The following TJP1 variants were observed in gnomAD, a reference collection of about 807,000 sequenced individuals.
TJP1 encodes tight junction protein 1.
A neutral mutation model predicts 194.2 loss-of-function variants in TJP1; 43 were observed. The ratio of observed to expected loss-of-function variants is 0.22; its 90% confidence interval spans 0.17 to 0.29. TJP1 has a LOEUF of 0.29. Ranked by LOEUF, TJP1 falls within the 10% of genes least tolerant of loss-of-function variation. The pLI is 1.00. For missense variants in TJP1, 1,971 were observed against 2,185.7 expected (o/e 0.90, Z 1.96); for synonymous variants, 801 against 779.0 (o/e 1.03, Z -0.47).
chr15:29,780,128 G>A (rs546755631), intron 2 of TJP1, among the ~76,000 whole-genome samples: 4 of 152,166 alleles, frequency 2.6e-5, no homozygotes, highest in East Asian at 3.9e-4. Context: ...TCCACAGACC[G>A]GCAGGTGGAG....
intron 2 of TJP1, among the ~76,000 whole-genome samples, chr15:29,789,223 G>T (rs1243384732): frequency 1.3e-5 from 2 of 152,168 alleles, no homozygotes; most frequent in Non-Finnish European, 2.9e-5. Flanking sequence ...CCTCCCAAGA[G>T]TGACTTTATT....
intron 23 of TJP1, among the ~76,000 whole-genome samples, chr15:29,715,291 A>T (rs1045850369): frequency 3.3e-5 from 5 of 152,112 alleles, no homozygotes; most frequent in African/African-American, 1.2e-4. Flanking sequence ...CAACACTAGT[A>T]CAAGACACGT....
chr15:29,928,461 C>T (rs547218595), intron 2 of TJP1, among the ~76,000 whole-genome samples: 11 of 152,226 alleles, frequency 7.2e-5, no homozygotes, highest in South Asian at 4.1e-4. Context: ...TAGAACTGTT[C>T]GGCAATATCT....
At chr15:29,771,735 G>A (rs993910405) in intron 4 of TJP1, among the ~76,000 whole-genome samples, 4 of 151,906 alleles carry the variant, frequency 2.6e-5, no homozygotes, top group African/African-American at 7.2e-5. Context: ...AACCTAGGAG[G>A]CGGAGTTTGC....
At chr15:29,918,009 C>G (rs2054240018) in intron 2 of TJP1, among the ~76,000 whole-genome samples, 1 of 152,160 alleles carries the variant, frequency 6.6e-6, no homozygotes, top group Non-Finnish European at 1.5e-5. Context: ...TCCCCCAAAC[C>G]CCTGCCATTC....
intron 26 of TJP1, 122 bp downstream of exon 26, chr15:29,705,406 G>T: frequency 9.6e-7 from 1 of 1,043,512 alleles, no homozygotes; most frequent in Non-Finnish European, 1.4e-6. Context: ...GGCACCCCTC[G>T]CTACAGCACT....
At chr15:29,890,743 C>T (rs1379117684) in intron 2 of TJP1, among the ~76,000 whole-genome samples, 2 of 151,822 alleles carry the variant, frequency 1.3e-5, no homozygotes, top group Non-Finnish European at 2.9e-5. Flanking sequence ...CAGTACATCT[C>T]TATCAAACTG....
At chr15:29,857,521 T>C (rs1216959192) in intron 2 of TJP1, among the ~76,000 whole-genome samples, 1 of 152,116 alleles carries the variant, frequency 6.6e-6, no homozygotes, top group Non-Finnish European at 1.5e-5. Context: ...TCTTGCCACA[T>C]GGACAAGAAG....
intron 1 of TJP1, chr15:29,968,555 C>T (rs2056411927): frequency 3.7e-6 from 3 of 801,584 alleles, no homozygotes; most frequent in Non-Finnish European, 4.5e-6. Context: ...CCGACAGTCG[C>T]GGCCTCGCCC....
At chr15:29,940,507 G>A (rs1348908830) in intron 2 of TJP1, among the ~76,000 whole-genome samples, 3 of 152,060 alleles carry the variant, frequency 2.0e-5, no homozygotes, top group Non-Finnish European at 1.5e-5. Flanking sequence ...TTAGACTTTT[G>A]GGAACAGAAT....
intron 2 of TJP1, among the ~76,000 whole-genome samples, chr15:29,886,157 A>G (rs1171345805): frequency 6.6e-6 from 1 of 152,256 alleles, no homozygotes; most frequent in Non-Finnish European, 1.5e-5. Context: ...AAACTTAAAC[A>G]TCAGCAGTGT....
chr15:29,817,134 A>T (rs1192303934), intron 1 of TJP1, among the ~76,000 whole-genome samples: 1 of 152,244 alleles, frequency 6.6e-6, no homozygotes, highest in African/African-American at 2.4e-5. Flanking sequence ...CCGTATCAAA[A>T]ACTGGGCAAA....
intron 18 of TJP1, among the ~76,000 whole-genome samples, chr15:29,724,273 A>G (rs1276114435): frequency 1.3e-5 from 2 of 152,136 alleles, no homozygotes; most frequent in African/African-American, 4.8e-5. Flanking sequence ...GGCTGGGGAG[A>G]GTGGGAATCC....
At chr15:29,716,552 G>T in intron 23 of TJP1, 59 bp downstream of exon 23, 1 of 1,255,226 alleles carries the variant, frequency 8.0e-7, no homozygotes, top group Non-Finnish European at 1.1e-6. Flanking sequence ...AAAATATATT[G>T]AACTGCACGG....
At chr15:29,851,706 T>C (rs1370219116) in intron 2 of TJP1, among the ~76,000 whole-genome samples, 1 of 152,262 alleles carries the variant, frequency 6.6e-6, no homozygotes, top group East Asian at 1.9e-4. Context: ...ACTTATTATA[T>C]AGCTATGATT....
chr15:29,887,578 G>A (rs1292647301), intron 2 of TJP1, among the ~76,000 whole-genome samples: 2 of 151,896 alleles, frequency 1.3e-5, no homozygotes, highest in Non-Finnish European at 2.9e-5. Flanking sequence ...TGGGATTACA[G>A]GCATGAGCCA....
At chr15:29,731,002 A>G (rs12902309) in intron 15 of TJP1, 15,349 of 1,264,520 alleles carry the variant, frequency 0.012, 131 homozygotes, top group Non-Finnish European at 0.015. Flanking sequence ...TGCATTTTTG[A>G]TAACTGTGTA....
At chr15:29,887,380 A>C (rs2053154191) in intron 2 of TJP1, among the ~76,000 whole-genome samples, 1 of 151,642 alleles carries the variant, frequency 6.6e-6, no homozygotes, top group Non-Finnish European at 1.5e-5. Flanking sequence ...GGCTCACTGC[A>C]ACCTCCTCTC....
Position 29,964,716 on chromosome 15 carries a change from G to A in TJP1, c.173+3951C>T, listed in dbSNP as rs532418029. On this transcript the variant is annotated intron_variant, in intron 1 of 28. Transcript: ENST00000356107. ...TTTTCATCGCTGGCAATTCCAGGGT[G>A]TCCCCCAAAGGAAGCCAGCAGGCTC... 2.6e-5 allele frequency among the ~76,000 whole-genome samples: 4 copies of A among 152,326 alleles called. No individual in the cohort carries two copies. In the South Asian group the frequency reaches 6.2e-4, roughly 24 times the overall value.
Sources: gnomAD v4.1 joint callset for allele counts (sites outside exome capture counted in the v4.1 genomes callset) on GRCh38, gnomAD v4.1.1 for gene constraint, MANE v1.5 for transcripts, NCBI Gene and HGNC (gene_info 2026-07-23, HGNC 2026-07-21) for gene names.